SNTG1: variants seen among roughly 807,000 people sequenced by gnomAD.
SNTG1 encodes syntrophin gamma 1.
Under a neutral mutation model 74.7 loss-of-function variants are expected in SNTG1, and 39 were observed. The ratio of observed to expected loss-of-function variants is 0.52; its 90% CI spans 0.40 to 0.68. The LOEUF is 0.68. Among genes scored for constraint, SNTG1 ranks in the 30% least tolerant of loss-of-function variants. SNTG1 has a pLI of 0.00. For missense variants in SNTG1, 685 were observed against 609.5 expected, an observed-to-expected ratio of 1.12 and a Z score of -1.30; for synonymous variants, 254 against 217.1, an observed-to-expected ratio of 1.17 and a Z score of -1.49.
chr8:50,578,662 G>A (rs1360165206), intron 12 of SNTG1, among the ~76,000 whole-genome samples: 5 of 152,136 alleles, frequency 3.3e-5, no homozygotes, highest in African/African-American at 1.2e-4. Context: ...TAGCGAGTGA[G>A]TTCTCACAAG....
chr8:49,982,954 A>C (rs1362995448), intron 1 of SNTG1, among the ~76,000 whole-genome samples: 1 of 152,178 alleles, frequency 6.6e-6, no homozygotes, highest in Non-Finnish European at 1.5e-5. Context: ...AAAAGCATTA[A>C]ACATTATGCA....
intron 1 of SNTG1, among the ~76,000 whole-genome samples, chr8:50,142,941 G>T (rs2081723372): frequency 6.6e-6 from 1 of 151,936 alleles, no homozygotes; most frequent in African/African-American, 2.4e-5. Flanking sequence ...GGGTCTGGTG[G>T]CGGGCACCTG....
intron 1 of SNTG1, among the ~76,000 whole-genome samples, chr8:49,994,528 G>A (rs1814017235): frequency 6.6e-6 from 1 of 151,410 alleles, no homozygotes; most frequent in Non-Finnish European, 1.5e-5. Context: ...GCCTCCCAAA[G>A]TGTTGGGATT....
At chr8:50,065,436 A>G (rs1369826237) in intron 1 of SNTG1, among the ~76,000 whole-genome samples, 3 of 152,198 alleles carry the variant, frequency 2.0e-5, no homozygotes, top group Non-Finnish European at 4.4e-5. Flanking sequence ...TCGCATTTTA[A>G]TTTCAAATCC....
chr8:50,568,486 C>T (rs1318471905), intron 12 of SNTG1, among the ~76,000 whole-genome samples: 4 of 152,004 alleles, frequency 2.6e-5, no homozygotes, highest in Non-Finnish European at 5.9e-5. Context: ...TCCACATCCT[C>T]GCCAGCCTCT....
In SNTG1 at chr8:50,025,006, A is replaced by C. The variant is rs573108026; in HGVS notation, c.-103+112775A>C. Among the ~76,000 whole-genome samples the C allele has an allele frequency of 2.6e-5, 4 of 152,222 alleles. No homozygotes were observed. In the South Asian group the frequency reaches 8.3e-4, roughly 32 times the overall value. On this transcript the variant is annotated intron_variant, in intron 1 of 18. Coordinates refer to ENST00000642720, the MANE Select transcript of SNTG1 (RefSeq NM_018967.5). ...TATTTAATATTATTTTACCTCAGGT[A>C]ACTAAAACCTTAGCAAGTGAAACTG...
intron 18 of SNTG1, among the ~76,000 whole-genome samples, chr8:50,781,669 CTG>C (rs2095659865): frequency 6.6e-6 from 1 of 152,148 alleles, no homozygotes; most frequent in African/African-American, 2.4e-5. Flanking sequence ...ATTTGCCAGT[CTG>C]TGTCTTTTAA....
chr8:50,777,918 G>T lies in SNTG1; in HGVS notation c.1396-14753G>T, dbSNP rs200665268. 2.8e-4 allele frequency among the ~76,000 whole-genome samples: 42 copies of T among 151,790 alleles called. No homozygotes were observed. In the East Asian group the frequency reaches 6.4e-3, roughly 23 times the overall value. On this transcript the variant is annotated intron_variant, in intron 18 of 18. Coordinates refer to ENST00000642720, the MANE Select transcript of SNTG1 (RefSeq NM_018967.5). Reference sequence around the variant, plus strand: ...CTTCCTGTGTCCATGTGATCTCATTGTTCAATTCCCACCTATGAGTGAGAA... The same window carrying T: ...CTTCCTGTGTCCATGTGATCTCATTTTTCAATTCCCACCTATGAGTGAGAA...
chr8:49,935,014 G>C (rs1331182674), intron 1 of SNTG1, among the ~76,000 whole-genome samples: 1 of 151,990 alleles, frequency 6.6e-6, no homozygotes, highest in Non-Finnish European at 1.5e-5. Flanking sequence ...TGCTGATTTA[G>C]CACCAGTAAG....
chr8:50,475,485 A>T (rs907739155), intron 8 of SNTG1, among the ~76,000 whole-genome samples: 3 of 152,150 alleles, frequency 2.0e-5, no homozygotes, highest in African/African-American at 7.2e-5. Flanking sequence ...ACTTCTGTAG[A>T]TTCCTGAATG....
intron 1 of SNTG1, among the ~76,000 whole-genome samples, chr8:50,007,219 G>A (rs896052551): frequency 1.2e-4 from 18 of 152,108 alleles, no homozygotes; most frequent in African/African-American, 4.3e-4. Context: ...GTCAGGAAAT[G>A]TTAGGCTTGG....
intron 4 of SNTG1, among the ~76,000 whole-genome samples, chr8:50,430,790 T>G (rs1363241528): frequency 6.6e-6 from 1 of 152,114 alleles, no homozygotes; most frequent in Non-Finnish European, 1.5e-5. Context: ...AAGGCAAGAA[T>G]GACATGTTCT....
At chr8:50,533,047 A>C (rs947195530) in intron 10 of SNTG1, among the ~76,000 whole-genome samples, 1 of 152,220 alleles carries the variant, frequency 6.6e-6, no homozygotes, top group African/African-American at 2.4e-5. Context: ...CTACATAAAA[A>C]TATAATCTAT....
intron 1 of SNTG1, chr8:50,163,815 A>G (rs942337370): frequency 1.3e-5 from 2 of 152,128 alleles, no homozygotes; most frequent in African/African-American, 4.8e-5. Flanking sequence ...ATTTGCTTTT[A>G]TAATAGAAGA....
chr8:50,111,931 A>G (rs555372669), intron 1 of SNTG1, among the ~76,000 whole-genome samples: 94 of 152,266 alleles, frequency 6.2e-4, no homozygotes, highest in Non-Finnish European at 1.2e-3. Context: ...CAAAAATAAT[A>G]CTTTAGGCCA....
chr8:50,757,383 G>A (rs2095583115), intron 18 of SNTG1, among the ~76,000 whole-genome samples: 1 of 151,714 alleles, frequency 6.6e-6, no homozygotes, highest in African/African-American at 2.4e-5. Context: ...TACATGCTAA[G>A]GATTGTTACG....
intron 2 of SNTG1, among the ~76,000 whole-genome samples, chr8:50,334,071 A>G (rs1047210687): frequency 6.6e-6 from 1 of 152,126 alleles, no homozygotes; most frequent in Non-Finnish European, 1.5e-5. Flanking sequence ...TAATTTTTGT[A>G]TTTTTAGTAG....
At chr8:50,613,078 G>T (rs2094862187) in intron 13 of SNTG1, among the ~76,000 whole-genome samples, 1 of 152,132 alleles carries the variant, frequency 6.6e-6, no homozygotes, top group African/African-American at 2.4e-5. Context: ...AAGGAGAAGA[G>T]CATCTGTTAA....
At chr8:50,670,047 T>G (rs1267038318) in intron 15 of SNTG1, among the ~76,000 whole-genome samples, 1 of 152,110 alleles carries the variant, frequency 6.6e-6, no homozygotes, top group Admixed American at 6.6e-5. Context: ...TATCTCAAAA[T>G]AATAAGAGCT....
Sources: allele counts gnomAD v4.1 joint callset (sites outside exome capture counted in the v4.1 genomes callset), GRCh38; gene constraint gnomAD v4.1.1; transcripts MANE v1.5; gene names NCBI Gene and HGNC (gene_info 2026-07-23, HGNC 2026-07-21).